The following CACNA1C variants were observed in gnomAD, a reference collection of about 807,000 sequenced individuals.
CACNA1C encodes calcium voltage-gated channel subunit alpha1 C.
Under a neutral mutation model 229.0 loss-of-function variants are expected in CACNA1C, and 30 were observed. The ratio of observed to expected loss-of-function variants is 0.13; its 90% CI spans 0.10 to 0.18. CACNA1C has a LOEUF of 0.18. Among genes scored for constraint, CACNA1C ranks in the 10% least tolerant of loss-of-function variants. CACNA1C has a pLI of 1.00. For missense variants in CACNA1C, 1,658 were observed against 2,845.0 expected (o/e 0.58, Z 9.49); for synonymous variants, 1,114 against 1,132.5 (o/e 0.98, Z 0.33).
At chr12:2,497,385 T>G (rs1045219358) in intron 7 of CACNA1C, among the ~76,000 whole-genome samples, 11 of 152,066 alleles carry the variant, frequency 7.2e-5, no homozygotes, top group Non-Finnish European at 1.3e-4. Flanking sequence ...CTGATAGGGG[T>G]TGGGGACACA....
intron 11 of CACNA1C, among the ~76,000 whole-genome samples, chr12:2,558,190 T>C (rs2045545914): frequency 6.6e-6 from 1 of 152,166 alleles, no homozygotes; most frequent in Non-Finnish European, 1.5e-5. Context: ...GGAGAGGGAC[T>C]TTGAGATCCC....
At chr12:2,356,773 T>G (rs1197479423) in intron 3 of CACNA1C, among the ~76,000 whole-genome samples, 1 of 152,234 alleles carries the variant, frequency 6.6e-6, no homozygotes, top group Non-Finnish European at 1.5e-5. Context: ...TCAGCTTACG[T>G]GCCTCTCCCC....
At chr12:2,293,252 G>T (rs1436934799) in intron 3 of CACNA1C, among the ~76,000 whole-genome samples, 1 of 152,226 alleles carries the variant, frequency 6.6e-6, no homozygotes, top group Non-Finnish European at 1.5e-5. Context: ...AAGTGTGCTA[G>T]AATAGACACA....
intron 21 of CACNA1C, among the ~76,000 whole-genome samples, chr12:2,600,579 G>A (rs73241740): frequency 6.6e-6 from 1 of 152,190 alleles, no homozygotes; most frequent in South Asian, 2.1e-4. Context: ...CCTTATCCTG[G>A]ATAACCACTG....
At chr12:2,529,562 CT>C (rs1305423776) in intron 9 of CACNA1C, among the ~76,000 whole-genome samples, 1 of 152,180 alleles carries the variant, frequency 6.6e-6, no homozygotes, top group Non-Finnish European at 1.5e-5. Flanking sequence ...AATTCTGCCT[CT>C]GGGAATGGAT....
At chr12:2,276,568 C>G (rs2088190585) in intron 3 of CACNA1C, among the ~76,000 whole-genome samples, 1 of 152,202 alleles carries the variant, frequency 6.6e-6, no homozygotes, top group South Asian at 2.1e-4. Context: ...ACCTTTAGAG[C>G]TCCATGGAGT....
At chr12:2,462,301 G>A (rs2099514256) in intron 5 of CACNA1C, among the ~76,000 whole-genome samples, 1 of 149,090 alleles carries the variant, frequency 6.7e-6, no homozygotes, top group Non-Finnish European at 1.5e-5. Context: ...CCTCGGCTCA[G>A]CTCTCATACA....
intron 27 of CACNA1C, among the ~76,000 whole-genome samples, chr12:2,609,155 G>A (rs1601947565): frequency 6.6e-6 from 1 of 152,176 alleles, no homozygotes; most frequent in Non-Finnish European, 1.5e-5. Flanking sequence ...CCAGAGGCTT[G>A]TGTGGGAGGT....
intron 3 of CACNA1C, among the ~76,000 whole-genome samples, chr12:2,439,412 G>T (rs1200509273): frequency 6.6e-6 from 1 of 152,226 alleles, no homozygotes; most frequent in African/African-American, 2.4e-5. Context: ...CAAATCTACC[G>T]CATTGGCTTC....
chr12:2,525,659 C>T (rs547958528), intron 9 of CACNA1C, among the ~76,000 whole-genome samples: 71 of 152,318 alleles, frequency 4.7e-4, no homozygotes, highest in African/African-American at 1.3e-3. Flanking sequence ...AAATCCTTGC[C>T]TGCATGATTA....
In CACNA1C at chr12:2,135,758, T is replaced by C. The variant is rs1234100105; in HGVS notation, c.477+15328T>C. Among the ~76,000 whole-genome samples the C allele has an allele frequency of 5.5e-5, 8 of 146,568 alleles. No homozygotes were observed. In the East Asian group the frequency reaches 9.9e-4, roughly 18 times the overall value. On this transcript the variant is annotated intron_variant, in intron 3 of 46. Transcript: ENST00000399655. ...GTCTGCAGAAGTTACTGCTGTCTTT[T>C]TGTTTGTCTGTGCCCTGCCCCCAGA...
At chr12:2,485,289 G>A (rs115162510) in intron 5 of CACNA1C, among the ~76,000 whole-genome samples, 1 of 152,122 alleles carries the variant, frequency 6.6e-6, no homozygotes, top group Non-Finnish European at 1.5e-5. Flanking sequence ...AATCTCACAC[G>A]TGACTTTCTC....
At chr12:2,437,221 T>C (rs1934418742) in intron 3 of CACNA1C, among the ~76,000 whole-genome samples, 1 of 152,230 alleles carries the variant, frequency 6.6e-6, no homozygotes, top group Admixed American at 6.5e-5. Flanking sequence ...TGACCAGGTC[T>C]GACAGGCAGT....
intron 38 of CACNA1C, among the ~76,000 whole-genome samples, chr12:2,671,568 AT>A (rs2096571771): frequency 6.6e-6 from 1 of 152,184 alleles, no homozygotes; most frequent in Non-Finnish European, 1.5e-5. Context: ...TAAATTAAGG[AT>A]GTGAGATTTT....
chr12:2,340,669 A>G (rs2096834650), intron 3 of CACNA1C, among the ~76,000 whole-genome samples: 2 of 152,236 alleles, frequency 1.3e-5, no homozygotes, highest in African/African-American at 4.8e-5. Context: ...CCTTGAAAAA[A>G]GACACTGGCT....
chr12:2,140,577 T>C (rs1180384209), intron 3 of CACNA1C, among the ~76,000 whole-genome samples: 2 of 151,392 alleles, frequency 1.3e-5, no homozygotes, highest in African/African-American at 4.8e-5. Flanking sequence ...TTTGCTTCTC[T>C]TGACCTCTGT....
intron 3 of CACNA1C, among the ~76,000 whole-genome samples, chr12:2,265,731 G>A (rs577548658): frequency 6.6e-6 from 1 of 152,310 alleles, no homozygotes; most frequent in African/African-American, 2.4e-5. Flanking sequence ...AAGACGCGGG[G>A]GCTCCAGTGT....
chr12:2,140,635 T>C (rs1175499143), intron 3 of CACNA1C, among the ~76,000 whole-genome samples: 1 of 151,344 alleles, frequency 6.6e-6, no homozygotes, highest in African/African-American at 2.4e-5. Flanking sequence ...AGAGGATTCT[T>C]TTATGTTCTG....
chr12:2,526,763 C>T (rs1300876198), intron 9 of CACNA1C, among the ~76,000 whole-genome samples: 2 of 152,170 alleles, frequency 1.3e-5, no homozygotes, highest in Admixed American at 6.5e-5. Context: ...TTCTACATGG[C>T]GCTGCAGAGA....
Sources: gnomAD v4.1 joint callset for allele counts (sites outside exome capture counted in the v4.1 genomes callset) on GRCh38, gnomAD v4.1.1 for gene constraint, MANE v1.5 for transcripts, NCBI Gene and HGNC (gene_info 2026-07-23, HGNC 2026-07-21) for gene names.